ARL8B: variants seen among roughly 807,000 people sequenced by gnomAD.
The protein encoded by ARL8B is ADP-ribosylation factor-like protein 8B.
In ARL8B, 9 loss-of-function variants were observed where a neutral mutation model predicts 30.6. The ratio of observed to expected loss-of-function variants is 0.29; its 90% CI spans 0.18 to 0.51. The LOEUF is 0.51. Ranked by LOEUF, ARL8B falls within the 20% of genes least tolerant of loss-of-function variation. The pLI, the probability that ARL8B is intolerant of heterozygous loss-of-function variation, is 0.97. For synonymous variants in ARL8B, 74 were observed against 76.0 expected, an observed-to-expected ratio of 0.97 and a Z score of 0.14; for missense variants, 130 against 227.2, an observed-to-expected ratio of 0.57 and a Z score of 2.75.
intron 1 of ARL8B, among the ~76,000 whole-genome samples, chr3:5,141,305 A>G (rs2054371493): frequency 6.6e-6 from 1 of 152,118 alleles, no homozygotes; most frequent in South Asian, 2.1e-4. Flanking sequence ...TTTTCTATTT[A>G]CTTCCTTTGG....
At chr3:5,128,585 G>C (rs1575557541) in intron 1 of ARL8B, 9 of 348,252 alleles carry the variant, frequency 2.6e-5, no homozygotes, top group South Asian at 1.8e-4. Context: ...CAAAGATATA[G>C]TAAGTGGATG....
chr3:5,163,495 T>C (rs1324831741), intron 1 of ARL8B, among the ~76,000 whole-genome samples: 1 of 152,186 alleles, frequency 6.6e-6, no homozygotes, highest in Non-Finnish European at 1.5e-5. Flanking sequence ...TGTTCTGAAA[T>C]TGGGAGAAAA....
intron 4 of ARL8B, 84 bp from the exon 5 acceptor site, chr3:5,173,914 ATGTGTTAACATCTTAACTT>A (rs2054701569): frequency 8.1e-6 from 7 of 858,972 alleles, no homozygotes; most frequent in Non-Finnish European, 1.4e-5. Context: ...ACATTGTGGA[ATGTGTTAACATCTTAACTT>A]TGTGTCTTCA....
At chr3:5,151,667 T>C (rs138686007) in intron 1 of ARL8B, among the ~76,000 whole-genome samples, 22 of 152,232 alleles carry the variant, frequency 1.4e-4, no homozygotes, top group African/African-American at 5.1e-4. Context: ...ACATACTTTG[T>C]ATGATTTTTG....
At chr3:5,129,426 G>A (rs921710875) in intron 1 of ARL8B, among the ~76,000 whole-genome samples, 2 of 152,156 alleles carry the variant, frequency 1.3e-5, no homozygotes, top group African/African-American at 4.8e-5. Context: ...TAGTTTTGTT[G>A]ATGAAGTAGA....
At chr3:5,169,991 T>C (rs2054657236) in intron 1 of ARL8B, among the ~76,000 whole-genome samples, 1 of 152,210 alleles carries the variant, frequency 6.6e-6, no homozygotes, top group Non-Finnish European at 1.5e-5. Context: ...ACAATACTCA[T>C]GACATTGAGA....
Position 5,172,747 on chromosome 3 carries a change from A to T in ARL8B, c.372+7A>T. Reference sequence around the variant, plus strand: ...ACAGTTACAAGGAATTCCAGTAAGTATGGAATACTTGTTATTTTACATTGT... The same window carrying T: ...ACAGTTACAAGGAATTCCAGTAAGTTTGGAATACTTGTTATTTTACATTGT... On this transcript the variant is annotated splice_region_variant and intron_variant, in intron 4 of 6. Coordinates refer to ENST00000256496, the MANE Select transcript of ARL8B (RefSeq NM_018184.3). The T allele has an allele frequency of 1.3e-6, 2 of 1,485,830 alleles. No individual in the cohort carries two copies. Among genetic ancestry groups the T allele is most frequent in the Non-Finnish European group, 1.9e-6 (2 of 1,068,522 alleles). The allele number at this position is 1,485,830 out of a possible 1,614,324, so 92.0% of individuals were successfully genotyped here. A position where few individuals can be genotyped will look rare whatever the true frequency, so the allele number is the denominator to read the frequency against.
intron 1 of ARL8B, among the ~76,000 whole-genome samples, chr3:5,166,377 CTG>C (rs1247811136): frequency 8.6e-6 from 1 of 115,980 alleles, no homozygotes; most frequent in Admixed American, 1.0e-4. Flanking sequence ...TGGTAATGCT[CTG>C]TGGCCCAGGC....
At chr3:5,156,117 G>C (rs1244420674) in intron 1 of ARL8B, among the ~76,000 whole-genome samples, 2 of 152,078 alleles carry the variant, frequency 1.3e-5, no homozygotes, top group African/African-American at 4.8e-5. Flanking sequence ...TAGCCAGGCT[G>C]GTCTCAAACT....
chr3:5,144,055 A>G (rs2054398981), intron 1 of ARL8B, among the ~76,000 whole-genome samples: 1 of 152,222 alleles, frequency 6.6e-6, no homozygotes, highest in Non-Finnish European at 1.5e-5. Context: ...GAAGGGGGAT[A>G]CCAAGGAGTG....
At chr3:5,155,298 G>A (rs868281711) in intron 1 of ARL8B, among the ~76,000 whole-genome samples, 1 of 152,096 alleles carries the variant, frequency 6.6e-6, no homozygotes. Flanking sequence ...ATTTATATTT[G>A]ATGAGTTGCC....
At chr3:5,130,708 G>C (rs1048131678) in intron 1 of ARL8B, among the ~76,000 whole-genome samples, 1 of 151,648 alleles carries the variant, frequency 6.6e-6, no homozygotes, top group Non-Finnish European at 1.5e-5. Context: ...GCTATTTTTT[G>C]TATTTTTAGT....
At chr3:5,147,184 G>A (rs116258723) in intron 1 of ARL8B, among the ~76,000 whole-genome samples, 3,061 of 152,024 alleles carry the variant, frequency 0.02, 44 homozygotes, top group Non-Finnish European at 0.031. Flanking sequence ...CCTACCCCAC[G>A]ACAGGCCCTG....
At chr3:5,176,828 GT>G (rs1452917405) in intron 6 of ARL8B, among the ~76,000 whole-genome samples, 1 of 152,168 alleles carries the variant, frequency 6.6e-6, no homozygotes, top group East Asian at 1.9e-4. Flanking sequence ...TACATCAGTG[GT>G]TCTCAATGGG....
intron 1 of ARL8B, among the ~76,000 whole-genome samples, chr3:5,130,805 C>G (rs765539887): frequency 2.8e-4 from 42 of 152,168 alleles, no homozygotes; most frequent in Non-Finnish European, 5.0e-4. Context: ...GCATGAGCCA[C>G]CACGCCCAGC....
At chr3:5,122,904 G>C (rs910766835) in intron 1 of ARL8B, among the ~76,000 whole-genome samples, 1 of 152,232 alleles carries the variant, frequency 6.6e-6, no homozygotes, top group Non-Finnish European at 1.5e-5. Flanking sequence ...TTGGGGATTG[G>C]GGTTTCCCTT....
At chr3:5,150,682 C>A (rs565657158) in intron 1 of ARL8B, among the ~76,000 whole-genome samples, 1 of 152,116 alleles carries the variant, frequency 6.6e-6, no homozygotes, top group Non-Finnish European at 1.5e-5. Flanking sequence ...ACTCAGGAGG[C>A]TGAGGCAGGA....
chr3:5,172,787 A>G (rs930498583), intron 4 of ARL8B, 47 bp downstream of exon 4: 35 of 1,145,826 alleles, frequency 3.1e-5, no homozygotes, highest in Non-Finnish European at 4.4e-5. Flanking sequence ...ATATAATGAT[A>G]TTAATTATGG....
At chr3:5,124,838 C>T (rs1373280027) in intron 1 of ARL8B, among the ~76,000 whole-genome samples, 1 of 152,148 alleles carries the variant, frequency 6.6e-6, no homozygotes, top group Non-Finnish European at 1.5e-5. Context: ...TAAATTTTCT[C>T]ATATCCCCTT....
Sources: allele counts gnomAD v4.1 joint callset (sites outside exome capture counted in the v4.1 genomes callset), GRCh38; gene constraint gnomAD v4.1.1; transcripts MANE v1.5; gene names NCBI Gene and HGNC (gene_info 2026-07-23, HGNC 2026-07-21).